Variants in CHL1 observed in about 807,000 individuals in gnomAD.
CHL1 encodes the protein neural cell adhesion molecule L1-like protein.
CHL1 carries 96 observed loss-of-function variants against 141.9 expected under a neutral mutation model. The ratio of observed to expected loss-of-function variants is 0.68; its 90% confidence interval spans 0.57 to 0.80. The LOEUF (loss-of-function observed/expected upper bound fraction) is 0.80. CHL1 is among the 30% of genes least tolerant of loss of function. The pLI, the probability that CHL1 is intolerant of heterozygous loss-of-function variation, is 0.00. For missense variants in CHL1, 1,820 were observed against 1,457.2 expected (o/e 1.25, Z -4.05); for synonymous variants, 613 against 502.2 (o/e 1.22, Z -2.95).
chr3:260,059 G>C (rs1431210461), intron 2 of CHL1, among the ~76,000 whole-genome samples: 2 of 152,140 alleles, frequency 1.3e-5, no homozygotes, highest in Non-Finnish European at 1.5e-5. Context: ...CAGATCAGGA[G>C]TTCAAGACCA....
At chr3:293,383 G>A (rs1485919196) in intron 2 of CHL1, among the ~76,000 whole-genome samples, 1 of 152,030 alleles carries the variant, frequency 6.6e-6, no homozygotes, top group Non-Finnish European at 1.5e-5. Flanking sequence ...GGTGCCTGTA[G>A]TCCCAGCTAC....
intron 1 of CHL1, among the ~76,000 whole-genome samples, chr3:242,465 G>C (rs867256945): frequency 0.014 from 2,050 of 148,782 alleles, 37 homozygotes; most frequent in Middle Eastern, 0.021. Flanking sequence ...GCGTGGTGGT[G>C]GGCGCCTGTA....
intron 1 of CHL1, among the ~76,000 whole-genome samples, chr3:234,033 C>G (rs466782): frequency 0.91 from 139,074 of 152,040 alleles, 64,292 homozygotes; most frequent in East Asian, 1. Flanking sequence ...AATAGCATAT[C>G]ATTTTTACGT....
At chr3:238,690 C>G (rs1457805159) in intron 1 of CHL1, among the ~76,000 whole-genome samples, 1 of 151,668 alleles carries the variant, frequency 6.6e-6, no homozygotes, top group Non-Finnish European at 1.5e-5. Context: ...TTTGGGAGGC[C>G]GAGGTGGGTG....
At chr3:325,694 A>G (rs1213751564) in intron 3 of CHL1, among the ~76,000 whole-genome samples, 1 of 152,036 alleles carries the variant, frequency 6.6e-6, no homozygotes, top group East Asian at 1.9e-4. Context: ...TGACATAGCA[A>G]CTTTTCTTCT....
chr3:349,439 C>G lies in CHL1; in HGVS notation c.929C>G (p.Thr310Ser), dbSNP rs779709137. The change falls in exon 10 of 28, where the codon ACT (threonine) becomes AGT (serine). Residue 310 changes from threonine to serine, a missense_variant. Transcript: ENST00000256509. ...GAAACAAAAGAAAATTATGGCAAGA[C>G]TTTGAAGATAGAGAATGTCTCCTAC... is the stretch of plus-strand genomic sequence containing the variant. ...GRETKENYGK[T>S]LKIENVSYQD... is the part of the protein sequence containing the mutation. 9 of 1,613,678 alleles carry G rather than the reference C, an allele frequency of 5.6e-6. No individual in the cohort carries two copies. Among genetic ancestry groups the G allele is most frequent in the East Asian group, 2.2e-5 (1 of 44,868 alleles).
At chr3:267,120 G>A (rs568798167) in intron 2 of CHL1, among the ~76,000 whole-genome samples, 54 of 152,178 alleles carry the variant, frequency 3.5e-4, no homozygotes, top group African/African-American at 1.0e-3. Flanking sequence ...GGGACCCTAC[G>A]CTCTATTTAC....
chr3:339,565 G>A (rs970063717), intron 5 of CHL1, among the ~76,000 whole-genome samples: 4 of 152,140 alleles, frequency 2.6e-5, no homozygotes, highest in Non-Finnish European at 2.9e-5. Context: ...TCTGCCTTCC[G>A]AAATTGCAAA....
chr3:317,852 A>C (rs1338946158), intron 2 of CHL1, among the ~76,000 whole-genome samples: 1 of 151,902 alleles, frequency 6.6e-6, no homozygotes, highest in Admixed American at 6.6e-5. Context: ...TTCATTGATT[A>C]GGATAACTCA....
intron 1 of CHL1, among the ~76,000 whole-genome samples, chr3:238,890 G>A (rs543068934): frequency 1.8e-3 from 268 of 152,110 alleles, no homozygotes; most frequent in African/African-American, 6.1e-3. Context: ...CCAAAATCGC[G>A]CCATTGCACT....
At chr3:290,842 A>AGGAGAATTGCTTGAACCC (rs1359270598) in intron 2 of CHL1, among the ~76,000 whole-genome samples, 5 of 151,788 alleles carry the variant, frequency 3.3e-5, no homozygotes, top group Non-Finnish European at 7.4e-5. Context: ...AGGCTGAGGC[A>AGGAGAATTGCTTGAACCC]GGAGAATTGC....
At chr3:387,290 A>T (rs1267192866) in intron 19 of CHL1, among the ~76,000 whole-genome samples, 1 of 152,204 alleles carries the variant, frequency 6.6e-6, no homozygotes, top group Non-Finnish European at 1.5e-5. Flanking sequence ...TCTTTTCTAA[A>T]GACTCCTTCC....
At chr3:308,883 C>G (rs1023165761) in intron 2 of CHL1, 9 of 162,930 alleles carry the variant, frequency 5.5e-5, no homozygotes, top group African/African-American at 2.2e-4. Context: ...CATTCATTTT[C>G]CTTTCATTAT....
rs541773352 is a variant in CHL1 at position 201,853 on chromosome 3, C to G, written c.-175+4790C>G. ...CTCTGTTGCCCATCTTCTGATTCAC[C>G]TCTTCCTAACTCCAGGGACTACAAT... On this transcript the variant is annotated intron_variant, in intron 1 of 27. Transcript: ENST00000256509. 3.5e-4 allele frequency among the ~76,000 whole-genome samples: 53 copies of G among 152,296 alleles called. 2 individuals carry two copies. The South Asian group carries it at 0.011, about 32-fold the overall frequency.
At chr3:197,769 G>T in intron 1 of CHL1, 1 of 455,468 alleles carries the variant, frequency 2.2e-6, no homozygotes, top group Non-Finnish European at 4.4e-6. Context: ...AGGGCGCGCC[G>T]GGGGCCGTGG....
At chr3:253,487 C>T (rs1047999911) in intron 2 of CHL1, among the ~76,000 whole-genome samples, 2 of 152,152 alleles carry the variant, frequency 1.3e-5, no homozygotes, top group Admixed American at 6.6e-5. Flanking sequence ...GGTTCCCTCT[C>T]TACCTTTTCT....
intron 1 of CHL1, among the ~76,000 whole-genome samples, chr3:227,020 A>T (rs1701413716): frequency 6.6e-6 from 1 of 152,226 alleles, no homozygotes; most frequent in African/African-American, 2.4e-5. Flanking sequence ...TAATTTCACC[A>T]GGAGTCTTCA....
intron 2 of CHL1, among the ~76,000 whole-genome samples, chr3:285,593 GTACTC>G (rs1206357749): frequency 1.3e-5 from 2 of 152,126 alleles, no homozygotes; most frequent in Admixed American, 1.3e-4. Context: ...CCCCAGCTGT[GTACTC>G]TCAGGCAAAC....
intron 1 of CHL1, among the ~76,000 whole-genome samples, chr3:227,525 G>A (rs634896): frequency 0.1 from 15,336 of 152,114 alleles, 1,103 homozygotes; most frequent in East Asian, 0.37. Context: ...ATATGCATGT[G>A]GAGAACAAAT....
Sources: allele counts gnomAD v4.1 joint callset (sites outside exome capture counted in the v4.1 genomes callset), GRCh38; gene constraint gnomAD v4.1.1; transcripts MANE v1.5; gene names NCBI Gene and HGNC (gene_info 2026-07-23, HGNC 2026-07-21).